Variants in TNRC6B observed in about 807,000 individuals in gnomAD.
TNRC6B encodes the protein trinucleotide repeat-containing gene 6B protein.
Under a neutral mutation model 203.6 loss-of-function variants are expected in TNRC6B, and 52 were observed. The ratio of observed to expected loss-of-function variants is 0.26; its 90% confidence interval spans 0.20 to 0.32. TNRC6B has a LOEUF of 0.32. Among genes scored for constraint, TNRC6B ranks in the 10% least tolerant of loss-of-function variants. The probability of loss-of-function intolerance (pLI) is 1.00; values close to 1 mark genes in which losing one functional copy is unlikely to be tolerated. For synonymous variants in TNRC6B, 838 were observed against 845.7 expected (o/e 0.99, Z 0.16); for missense variants, 1,923 against 2,286.2 (o/e 0.84, Z 3.24).
At chr22:40,212,851 TG>T (rs1289432363) in intron 1 of TNRC6B, among the ~76,000 whole-genome samples, 1 of 152,106 alleles carries the variant, frequency 6.6e-6, no homozygotes, top group Non-Finnish European at 1.5e-5. Flanking sequence ...AGTTTCACCA[TG>T]TTGGCCAGGC....
At chr22:40,121,187 C>T (rs2068441257) in intron 2 of TNRC6B, among the ~76,000 whole-genome samples, 1 of 152,122 alleles carries the variant, frequency 6.6e-6, no homozygotes, top group African/African-American at 2.4e-5. Context: ...TCTAGGTCAG[C>T]CAGGGTTATG....
rs545917311 is a variant in TNRC6B, at chr22:40,171,383, G to C, written c.113+15201G>C. Among the ~76,000 whole-genome samples, 324 of 151,904 alleles carry C rather than the reference G, an allele frequency of 2.1e-3. 2 individuals are homozygous for C. The highest frequency in any genetic ancestry group is 6.7e-3 in the African/African-American group (278 of 41,424). On this transcript the variant is annotated intron_variant, in intron 4 of 23. Coordinates refer to the TNRC6B transcript ENST00000301923. ...TCACTGTGTTAGCCAGCATAGTCTC[G>C]ATCTCCTGACCTTGTGATCCGCCTG... is the stretch of plus-strand genomic sequence containing the variant.
chr22:40,308,373 A>G lies in TNRC6B; in HGVS notation c.4121-139A>G, dbSNP rs2071121658. The G allele has an allele frequency of 6.1e-6, 6 of 977,678 alleles. No individual in the cohort carries two copies. The Admixed American group carries it at 7.9e-5, about 13-fold the overall frequency. The allele number at this position is 977,678 out of a possible 1,614,324, so 60.6% of individuals were successfully genotyped here. On this transcript the variant is annotated intron_variant, in intron 15 of 22. Transcript: ENST00000454349. ...AGCAAGAGCCAAGATCAAAGCTTGG[A>G]ATCAAAAATACCTGTTTCTGAGTGG... is the stretch of plus-strand genomic sequence containing the variant.
intron 4 of TNRC6B, among the ~76,000 whole-genome samples, chr22:40,168,942 C>G (rs1353021728): frequency 4.6e-5 from 7 of 152,246 alleles, no homozygotes; most frequent in African/African-American, 1.7e-4. Context: ...TTTATACTTT[C>G]ATTTTGATAC....
At chr22:40,045,710 G>T (rs1318209006) in intron 1 of TNRC6B, 3 of 152,216 alleles carry the variant, frequency 2.0e-5, no homozygotes, top group Admixed American at 1.3e-4. Context: ...CCGTGGTCCG[G>T]TGCCCTTCAG....
chr22:40,202,053 T>G (rs369469053), intron 1 of TNRC6B, among the ~76,000 whole-genome samples: 1 of 152,182 alleles, frequency 6.6e-6, no homozygotes, highest in Admixed American at 6.5e-5. Flanking sequence ...GAAATACTTT[T>G]GTCTCAAGTA....
At chr22:40,267,665 G>A (rs1385395403) in intron 5 of TNRC6B, among the ~76,000 whole-genome samples, 1 of 152,166 alleles carries the variant, frequency 6.6e-6, no homozygotes, top group Non-Finnish European at 1.5e-5. Flanking sequence ...AGGAGTTTGA[G>A]ACCAGCCTGG....
intron 2 of TNRC6B, among the ~76,000 whole-genome samples, chr22:40,250,335 C>A (rs2070173849): frequency 6.6e-6 from 1 of 152,172 alleles, no homozygotes; most frequent in Non-Finnish European, 1.5e-5. Flanking sequence ...ATATCAGAAG[C>A]AGTTTTCTGT....
At chr22:40,046,990 A>G (rs751237343) in intron 1 of TNRC6B, among the ~76,000 whole-genome samples, 20 of 152,144 alleles carry the variant, frequency 1.3e-4, no homozygotes, top group Non-Finnish European at 2.5e-4. Flanking sequence ...TTGAAATGGC[A>G]GTAATAATAT....
At chr22:40,085,514 T>C (rs1569255170) in intron 1 of TNRC6B, among the ~76,000 whole-genome samples, 1 of 152,200 alleles carries the variant, frequency 6.6e-6, no homozygotes, top group Non-Finnish European at 1.5e-5. Flanking sequence ...TTGTTTGTCC[T>C]ATAGTTTCTT....
At chr22:40,321,570 A>G in intron 22 of TNRC6B, 1 of 218,770 alleles carries the variant, frequency 4.6e-6, no homozygotes, top group South Asian at 8.6e-5. Flanking sequence ...GGCAGATCAC[A>G]AGGTCAGGAG....
At chr22:40,295,488 AAAAG>A (rs897950284) in intron 12 of TNRC6B, among the ~76,000 whole-genome samples, 8 of 151,744 alleles carry the variant, frequency 5.3e-5, no homozygotes, top group East Asian at 1.9e-4. Context: ...AAAAAAAAAA[AAAAG>A]AAAGAAAGAA....
At chr22:40,170,631 A>T (rs2068974343) in intron 4 of TNRC6B, among the ~76,000 whole-genome samples, 1 of 129,016 alleles carries the variant, frequency 7.8e-6, no homozygotes, top group Non-Finnish European at 1.6e-5. Flanking sequence ...ACATATATGA[A>T]CATACATACA....
chr22:40,329,588 C>A lies in TNRC6B; in HGVS notation c.*6347C>A, dbSNP rs1228419230. ...GCTCACCATACCTCCCCACCCCATGCCTCTGAAGAAAGAGGCCATGAACCT... is the reference window on the plus strand; with the variant it reads ...GCTCACCATACCTCCCCACCCCATGACTCTGAAGAAAGAGGCCATGAACCT... On this transcript the variant is annotated 3_prime_UTR_variant, in exon 23 of 23. Coordinates refer to ENST00000454349, the MANE Select transcript of TNRC6B (RefSeq NM_001162501.2). 1.3e-5 allele frequency: 2 copies of A among 152,172 alleles called. No homozygotes were observed. The highest frequency in any genetic ancestry group is 2.9e-5 in the Non-Finnish European group (2 of 68,044). 9.4% of individuals were successfully genotyped at this position (152,172 alleles called of 1,614,324 possible). A position where few individuals can be genotyped will look rare whatever the true frequency, so the allele number is the denominator to read the frequency against.
chr22:40,151,972 T>C (rs1167992106), intron 3 of TNRC6B, among the ~76,000 whole-genome samples: 1 of 152,066 alleles, frequency 6.6e-6, no homozygotes, highest in Admixed American at 6.6e-5. Flanking sequence ...GGGAGGAAAC[T>C]GTCAAATAAG....
chr22:40,060,693 C>G (rs908534134), intron 1 of TNRC6B, among the ~76,000 whole-genome samples: 1 of 152,172 alleles, frequency 6.6e-6, no homozygotes, highest in Non-Finnish European at 1.5e-5. Context: ...GGAAAAGGTG[C>G]TGGTAGAAGC....
rs5757864 is a variant in TNRC6B at position 40,155,464 on chromosome 22, T to G, written c.46-651T>G. 3.9e-4 allele frequency among the ~76,000 whole-genome samples: 60 copies of G among 152,268 alleles called. No homozygotes were observed. In the East Asian group the frequency reaches 0.01, roughly 26 times the overall value. On this transcript the variant is annotated intron_variant, in intron 3 of 23. Coordinates refer to the TNRC6B transcript ENST00000301923. ...CCACCACATCCAGCTAATTTTTGTA[T>G]TTTTAGTAGAGACGGAGTTTCACCA...
chr22:40,226,934 G>T (rs182697174), intron 1 of TNRC6B, among the ~76,000 whole-genome samples: 1 of 151,094 alleles, frequency 6.6e-6, no homozygotes, highest in Non-Finnish European at 1.5e-5. Flanking sequence ...TTTTGAGACA[G>T]AGTCTTACTC....
intron 1 of TNRC6B, among the ~76,000 whole-genome samples, chr22:40,048,666 A>C (rs1448805760): frequency 6.6e-6 from 1 of 152,078 alleles, no homozygotes; most frequent in African/African-American, 2.4e-5. Context: ...AATAACATAC[A>C]GTAATATTGA....
Sources: gnomAD v4.1 joint callset for allele counts (sites outside exome capture counted in the v4.1 genomes callset) on GRCh38, gnomAD v4.1.1 for gene constraint, MANE v1.5 for transcripts, NCBI Gene and HGNC (gene_info 2026-07-23, HGNC 2026-07-21) for gene names.